The following CACNA1D variants were observed in gnomAD, a reference collection of about 807,000 sequenced individuals.
CACNA1D encodes voltage-dependent L-type calcium channel subunit alpha-1D.
A neutral mutation model predicts 257.1 loss-of-function variants in CACNA1D; 55 were observed. The ratio of observed to expected loss-of-function variants is 0.21; its 90% CI spans 0.17 to 0.27. The LOEUF is 0.27. Ranked by LOEUF, CACNA1D falls within the 10% of genes least tolerant of loss-of-function variation. The pLI, the probability that CACNA1D is intolerant of heterozygous loss-of-function variation, is 1.00. For missense variants in CACNA1D, 1,876 were observed against 2,784.0 expected (o/e 0.67, Z 7.34); for synonymous variants, 980 against 1,014.9 (o/e 0.97, Z 0.65).
At chr3:53,664,107 T>C (rs978670893) in intron 5 of CACNA1D, among the ~76,000 whole-genome samples, 1 of 152,148 alleles carries the variant, frequency 6.6e-6, no homozygotes, top group Admixed American at 6.5e-5. Context: ...CAAGACCACA[T>C]TTCAGCTTCA....
intron 3 of CACNA1D, among the ~76,000 whole-genome samples, chr3:53,552,850 A>G (rs953878096): frequency 2.4e-4 from 36 of 152,208 alleles, no homozygotes; most frequent in African/African-American, 8.4e-4. Context: ...ATTTCCTTCC[A>G]TCCTAAACTA....
chr3:53,559,656 T>C (rs971144068), intron 3 of CACNA1D, among the ~76,000 whole-genome samples: 1 of 152,192 alleles, frequency 6.6e-6, no homozygotes, highest in Non-Finnish European at 1.5e-5. Flanking sequence ...CTGGCATACT[T>C]TTAGGGTCGG....
At chr3:53,577,677 TTTACAACAGTGTGAGA>T (rs1349622218) in intron 3 of CACNA1D, among the ~76,000 whole-genome samples, 32 of 152,010 alleles carry the variant, frequency 2.1e-4, no homozygotes, top group African/African-American at 7.2e-4. Context: ...GAGGGAGGCA[TTTACAACAGTGTGAGA>T]TTACAACAGT....
chr3:53,713,629 T>C (rs2094787425), intron 9 of CACNA1D, among the ~76,000 whole-genome samples: 1 of 152,064 alleles, frequency 6.6e-6, no homozygotes, highest in Non-Finnish European at 1.5e-5. Flanking sequence ...TGGATAAATG[T>C]CTACACCTTG....
chr3:53,802,300 G>A (rs1311752440), intron 43 of CACNA1D, 127 bp downstream of exon 43: 8 of 854,260 alleles, frequency 9.4e-6, no homozygotes, highest in Non-Finnish European at 1.6e-5. Context: ...ATAATTCATG[G>A]CTGTGGACTC....
In CACNA1D at chr3:53,607,655, C is replaced by A. The variant is rs547339923; in HGVS notation, c.484-43124C>A. On this transcript the variant is annotated intron_variant, in intron 3 of 47. Transcript: ENST00000350061. ...GATTCTCCCCCAGAGAATAAGAGTCCAGACTTATAGTTTTAGCTTTTGCAT... is the reference window on the plus strand; with the variant it reads ...GATTCTCCCCCAGAGAATAAGAGTCAAGACTTATAGTTTTAGCTTTTGCAT... 1.7e-3 allele frequency among the ~76,000 whole-genome samples: 255 copies of A among 152,286 alleles called. 1 individual carries two copies. Among genetic ancestry groups the A allele is most frequent in the African/African-American group, 5.9e-3 (245 of 41,544 alleles).
At chr3:53,756,530 T>C (rs1378211842) in intron 29 of CACNA1D, among the ~76,000 whole-genome samples, 1 of 152,156 alleles carries the variant, frequency 6.6e-6, no homozygotes, top group Non-Finnish European at 1.5e-5. Flanking sequence ...ATTTAGCCGA[T>C]TGTGGGTTCC....
chr3:53,719,981 TA>T (rs1308178380), intron 11 of CACNA1D, among the ~76,000 whole-genome samples, 200 bp downstream of exon 11: 3 of 152,136 alleles, frequency 2.0e-5, no homozygotes, highest in Non-Finnish European at 4.4e-5. Flanking sequence ...TCCCTCAAAG[TA>T]AACCAATAAG....
chr3:53,758,953 T>G (rs1266630140), intron 29 of CACNA1D, among the ~76,000 whole-genome samples: 1 of 152,106 alleles, frequency 6.6e-6, no homozygotes, highest in African/African-American at 2.4e-5. Context: ...GGTGATTTTA[T>G]TAAACAAGAG....
intron 8 of CACNA1D, among the ~76,000 whole-genome samples, chr3:53,691,866 T>TATATTAC: frequency 9.1e-6 from 1 of 109,350 alleles, no homozygotes; most frequent in South Asian, 2.4e-4. Flanking sequence ...ATATATATTA[T>TATATTAC]ATATATTACA....
At chr3:53,618,218 C>T (rs1468125574) in intron 3 of CACNA1D, among the ~76,000 whole-genome samples, 1 of 152,172 alleles carries the variant, frequency 6.6e-6, no homozygotes, top group Admixed American at 6.5e-5. Context: ...TTTGGAGAAG[C>T]AGTTGGAGAG....
chr3:53,749,848 T>A (rs770191303), intron 27 of CACNA1D, among the ~76,000 whole-genome samples: 3 of 152,258 alleles, frequency 2.0e-5, no homozygotes, highest in Non-Finnish European at 4.4e-5. Context: ...TAGGGCAGTT[T>A]CTTACCCTTG....
intron 3 of CACNA1D, among the ~76,000 whole-genome samples, chr3:53,601,335 T>G (rs2093439395): frequency 6.6e-6 from 1 of 152,226 alleles, no homozygotes; most frequent in Non-Finnish European, 1.5e-5. Flanking sequence ...TAGGCTCCTT[T>G]AATCCACACT....
chr3:53,643,112 G>C (rs1425793686), intron 3 of CACNA1D, among the ~76,000 whole-genome samples: 1 of 152,122 alleles, frequency 6.6e-6, no homozygotes, highest in African/African-American at 2.4e-5. Flanking sequence ...ATTAGACTTG[G>C]GGGACACAAA....
chr3:53,616,238 C>T (rs116676876), intron 3 of CACNA1D, among the ~76,000 whole-genome samples: 2,756 of 152,240 alleles, frequency 0.018, 94 homozygotes, highest in African/African-American at 0.063. Flanking sequence ...GATCAGCGTT[C>T]GACTTTGAAC....
intron 3 of CACNA1D, among the ~76,000 whole-genome samples, chr3:53,611,126 C>T (rs1576080946): frequency 6.6e-6 from 1 of 152,198 alleles, no homozygotes; most frequent in African/African-American, 2.4e-5. Context: ...TGCCTGCAAT[C>T]CCAGCACTTT....
At chr3:53,592,653 G>A (rs2093320826) in intron 3 of CACNA1D, among the ~76,000 whole-genome samples, 1 of 152,002 alleles carries the variant, frequency 6.6e-6, no homozygotes, top group African/African-American at 2.4e-5. Context: ...ATCTGTCAGA[G>A]TCGTGGTTGG....
intron 3 of CACNA1D, among the ~76,000 whole-genome samples, chr3:53,591,352 AAGTGAT>A (rs2093302010): frequency 6.6e-6 from 1 of 152,164 alleles, no homozygotes; most frequent in Non-Finnish European, 1.5e-5. Flanking sequence ...TCCTGGGTTC[AAGTGAT>A]TCTCCTGCTT....
chr3:53,572,022 G>C (rs1303698760), intron 3 of CACNA1D, among the ~76,000 whole-genome samples: 1 of 152,202 alleles, frequency 6.6e-6, no homozygotes, highest in African/African-American at 2.4e-5. Context: ...CTCTGTCCAT[G>C]GACTGATTTG....
Sources: allele counts gnomAD v4.1 joint callset (sites outside exome capture counted in the v4.1 genomes callset), GRCh38; gene constraint gnomAD v4.1.1; transcripts MANE v1.5; gene names NCBI Gene and HGNC (gene_info 2026-07-23, HGNC 2026-07-21).